Variants in CDH2 observed in about 807,000 individuals in gnomAD.
CDH2 encodes cadherin 2, also known as cadherin-2.
Under a neutral mutation model 92.0 loss-of-function variants are expected in CDH2, and 17 were observed. That is an observed-to-expected ratio of 0.18 (90% CI 0.13 to 0.28). The LOEUF (loss-of-function observed/expected upper bound fraction) is 0.28, where lower values mean the gene tolerates loss of function less well. Among genes scored for constraint, CDH2 ranks in the 10% least tolerant of loss-of-function variants. The pLI, the probability that CDH2 is intolerant of heterozygous loss-of-function variation, is 1.00. For missense variants in CDH2, 862 were observed against 1,133.1 expected, an observed-to-expected ratio of 0.76 and a Z score of 3.44; for synonymous variants, 419 against 415.9, an observed-to-expected ratio of 1.01 and a Z score of -0.09.
intron 2 of CDH2, among the ~76,000 whole-genome samples, chr18:28,108,313 A>C (rs1388731154): frequency 6.6e-6 from 1 of 152,218 alleles, no homozygotes; most frequent in Non-Finnish European, 1.5e-5. Flanking sequence ...CTACTATGAG[A>C]AACATTCTAC....
intron 2 of CDH2, among the ~76,000 whole-genome samples, chr18:28,126,654 A>T (rs978107894): frequency 6.6e-6 from 1 of 152,194 alleles, no homozygotes; most frequent in African/African-American, 2.4e-5. Context: ...TAATTGGGGT[A>T]AATTGCTCCA....
chr18:28,043,397 C>G (rs1369664713), intron 2 of CDH2, among the ~76,000 whole-genome samples: 1 of 146,194 alleles, frequency 6.8e-6, no homozygotes, highest in Admixed American at 7.0e-5. Context: ...TCAGAAATCA[C>G]TACTAAAGAA....
At chr18:28,122,449 G>C (rs1005265042) in intron 2 of CDH2, among the ~76,000 whole-genome samples, 1 of 151,926 alleles carries the variant, frequency 6.6e-6, no homozygotes, top group African/African-American at 2.4e-5. Flanking sequence ...GTAATCTTCG[G>C]TATTTCAAAA....
intron 1 of CDH2, among the ~76,000 whole-genome samples, chr18:28,175,165 G>GTA (rs892624846): frequency 5.3e-5 from 8 of 152,172 alleles, no homozygotes; most frequent in Non-Finnish European, 7.4e-5. Flanking sequence ...ATAAAGGGCG[G>GTA]TTTTATAACA....
At chr18:27,967,560 T>A (rs2143902013) in intron 14 of CDH2, among the ~76,000 whole-genome samples, 1 of 152,328 alleles carries the variant, frequency 6.6e-6, no homozygotes, top group East Asian at 1.9e-4. Flanking sequence ...CCGAAAATTC[T>A]CTTATGATTG....
At chr18:28,131,717 T>C (rs777936682) in intron 2 of CDH2, among the ~76,000 whole-genome samples, 2 of 147,616 alleles carry the variant, frequency 1.4e-5, no homozygotes, top group Non-Finnish European at 3.0e-5. Flanking sequence ...TGGCCTGAAA[T>C]AGTGTGATCC....
At position 28,062,521 on chromosome 18, in the gene CDH2, C is replaced by T. The variant is rs1013502362; in HGVS notation, c.173-48612G>A. Reference sequence around the variant, plus strand: ...CAATAAAACTATTTTTATAACAGCCCTTATTCTGTGAGTCAAGTAATCCAT... The same window carrying T: ...CAATAAAACTATTTTTATAACAGCCTTTATTCTGTGAGTCAAGTAATCCAT... On this transcript the variant is annotated intron_variant, in intron 2 of 15. Coordinates refer to ENST00000269141, the MANE Select transcript of CDH2 (RefSeq NM_001792.5). Among the ~76,000 whole-genome samples the T allele has an allele frequency of 3.3e-5, 5 of 152,220 alleles. No individual in the cohort carries two copies. In the East Asian group the frequency reaches 5.8e-4, roughly 18 times the overall value.
At chr18:27,995,440 T>G (rs1039677231) in intron 7 of CDH2, among the ~76,000 whole-genome samples, 1 of 152,066 alleles carries the variant, frequency 6.6e-6, no homozygotes, top group Non-Finnish European at 1.5e-5. Flanking sequence ...TCGCAGGACA[T>G]TCAGTTCAGC....
At chr18:28,131,334 T>C (rs376892984) in intron 2 of CDH2, among the ~76,000 whole-genome samples, 22 of 152,222 alleles carry the variant, frequency 1.4e-4, no homozygotes, top group East Asian at 1.2e-3. Flanking sequence ...CTCTGAGTAA[T>C]TGTTATACCC....
chr18:27,976,039 A>T (rs1406620970), intron 14 of CDH2, among the ~76,000 whole-genome samples: 2 of 152,106 alleles, frequency 1.3e-5, no homozygotes, highest in African/African-American at 4.8e-5. Flanking sequence ...GGCCATAGGT[A>T]GTTTTGGAAA....
chr18:28,009,674 A>T, intron 5 of CDH2, 43 bp downstream of exon 5: 1 of 1,589,256 alleles, frequency 6.3e-7, no homozygotes, highest in East Asian at 2.2e-5. Flanking sequence ...GCAGACATTT[A>T]GAACTGTTAA....
intron 2 of CDH2, among the ~76,000 whole-genome samples, chr18:28,094,654 TGTG>T (rs2015095331): frequency 6.7e-6 from 1 of 150,366 alleles, no homozygotes; most frequent in Non-Finnish European, 1.5e-5. Flanking sequence ...ATTAGACAGG[TGTG>T]GTGGCGGGCG....
intron 2 of CDH2, among the ~76,000 whole-genome samples, chr18:28,028,160 A>C (rs1455373360): frequency 1.3e-5 from 2 of 152,126 alleles, no homozygotes; most frequent in African/African-American, 4.8e-5. Context: ...AACACTCTAA[A>C]AGAAAAAAAA....
At chr18:28,053,805 G>A (rs893806568) in intron 2 of CDH2, among the ~76,000 whole-genome samples, 1 of 152,284 alleles carries the variant, frequency 6.6e-6, no homozygotes, top group East Asian at 1.9e-4. Flanking sequence ...TGTGGCACTG[G>A]AAGGACATTG....
chr18:28,028,093 G>A (rs545511743), intron 2 of CDH2, among the ~76,000 whole-genome samples: 1 of 151,734 alleles, frequency 6.6e-6, no homozygotes, highest in South Asian at 2.1e-4. Context: ...AAAAAGAAGA[G>A]TTTCAACATG....
chr18:28,044,955 C>G (rs964579570), intron 2 of CDH2, among the ~76,000 whole-genome samples: 2 of 151,874 alleles, frequency 1.3e-5, no homozygotes, highest in African/African-American at 4.8e-5. Context: ...AATTCATTAT[C>G]TCTATCCCAG....
At chr18:27,948,469 C>T (rs373760031), downstream of CDH2, among the ~76,000 whole-genome samples, 7 of 151,746 alleles carry the variant, frequency 4.6e-5, no homozygotes, top group Non-Finnish European at 7.4e-5. Context: ...GGTGTTAAGA[C>T]CTTCTCAAAA....
intron 2 of CDH2, among the ~76,000 whole-genome samples, chr18:28,043,467 T>TATATATATAA (rs1567976404): frequency 5.0e-5 from 3 of 59,656 alleles, no homozygotes; most frequent in African/African-American, 2.5e-4. Context: ...AATAAATATA[T>TATATATATAA]ATATATATAT....
downstream of CDH2, among the ~76,000 whole-genome samples, chr18:27,948,529 T>C (rs1359696661): frequency 6.6e-6 from 1 of 151,928 alleles, no homozygotes; most frequent in African/African-American, 2.4e-5. Context: ...TTGCTATACA[T>C]TTCTGTAAGA....
Sources: gnomAD v4.1 joint callset for allele counts (sites outside exome capture counted in the v4.1 genomes callset) on GRCh38, gnomAD v4.1.1 for gene constraint, MANE v1.5 for transcripts, NCBI Gene and HGNC (gene_info 2026-07-23, HGNC 2026-07-21) for gene names.